APOO: variants seen among roughly 807,000 people sequenced by gnomAD.
APOO encodes the protein MICOS complex subunit MIC26.
APOO carries 11 observed loss-of-function variants against 23.1 expected under a neutral mutation model. The observed-to-expected ratio is 0.48, with a 90% CI of 0.30 to 0.79. The LOEUF (loss-of-function observed/expected upper bound fraction) is 0.79. Among genes scored for constraint, APOO ranks in the 30% least tolerant of loss-of-function variants. APOO has a pLI of 0.07. For synonymous variants in APOO, 59 were observed against 54.8 expected (o/e 1.08, Z -0.34); for missense variants, 160 against 142.7 (o/e 1.12, Z -0.62).
intron 1 of APOO, among the ~76,000 whole-genome samples, chrX:23,884,949 T>C (rs1926304210): frequency 9.0e-6 from 1 of 111,502 alleles, no homozygotes; most frequent in Non-Finnish European, 1.9e-5. Context: ...TCTATCTATG[T>C]ATCTTTTATT....
At chrX:23,900,347 C>A (rs971273037) in intron 1 of APOO, among the ~76,000 whole-genome samples, 2 of 111,449 alleles carry the variant, frequency 1.8e-5, no homozygotes, top group Non-Finnish European at 3.8e-5. Flanking sequence ...ACTATCCCCA[C>A]AGGATCATGA....
chrX:23,901,379 A>C (rs751625595), intron 1 of APOO, among the ~76,000 whole-genome samples: 6 of 111,437 alleles, frequency 5.4e-5, no homozygotes, highest in Middle Eastern at 4.6e-3. Flanking sequence ...GGGGTTCTAC[A>C]TCAACTGATT....
At chrX:23,841,158 C>T (rs1276507640) in intron 7 of APOO, among the ~76,000 whole-genome samples, 1 of 111,558 alleles carries the variant, frequency 9.0e-6, no homozygotes, top group Non-Finnish European at 1.9e-5. Context: ...GCAGTTTCTC[C>T]TGGTGCCCCT....
intron 1 of APOO, among the ~76,000 whole-genome samples, chrX:23,888,344 C>G (rs1286578122): frequency 9.0e-6 from 1 of 111,725 alleles, no homozygotes; most frequent in African/African-American, 3.3e-5. Context: ...CAAATCTGGT[C>G]AGGCAAGCAA....
intron 8 of APOO, among the ~76,000 whole-genome samples, chrX:23,834,733 T>A (rs924446489): frequency 4.6e-5 from 5 of 109,728 alleles, no homozygotes; most frequent in Non-Finnish European, 9.5e-5. Flanking sequence ...TTCATATTTT[T>A]TTTTTTTTTG....
chrX:23,861,730 C>A (rs1225553310), intron 5 of APOO, among the ~76,000 whole-genome samples: 1 of 107,804 alleles, frequency 9.3e-6, no homozygotes, highest in Admixed American at 1.0e-4. Context: ...TATATGGTCA[C>A]TTCCTGCCCA....
Position 23,847,117 on chromosome X carries a change from C to T in APOO, c.562-6740G>A, listed in dbSNP as rs759479375. On this transcript the variant is annotated intron_variant, in intron 7 of 8. Coordinates refer to ENST00000379226, the MANE Select transcript of APOO (RefSeq NM_024122.5). The stretch of plus-strand genomic sequence containing the variant: ...ATCAGGGCAATGTAAATGAAAACCA[C>T]GATGGGAAATTCTGGGAACATCTTC... 7.2e-5 allele frequency among the ~76,000 whole-genome samples: 8 copies of T among 111,035 alleles called. No individual in the cohort carries two copies. The East Asian group carries it at 2.0e-3, about 28-fold the overall frequency.
At chrX:23,870,103 C>T (rs970844551) in intron 4 of APOO, among the ~76,000 whole-genome samples, 1 of 111,605 alleles carries the variant, frequency 9.0e-6, no homozygotes, top group Admixed American at 9.6e-5. Context: ...CACTGTTGAT[C>T]GCTGTTGATG....
intron 5 of APOO, among the ~76,000 whole-genome samples, chrX:23,867,924 CTATGGTTCTCT>C (rs1449385024): frequency 8.9e-6 from 1 of 112,001 alleles, no homozygotes; most frequent in African/African-American, 3.2e-5. Context: ...AGAGTAGTCT[CTATGGTTCTCT>C]TTTACAGGGG....
At chrX:23,867,352 C>T (rs1301298369) in intron 5 of APOO, among the ~76,000 whole-genome samples, 2 of 110,341 alleles carry the variant, frequency 1.8e-5, no homozygotes, top group Non-Finnish European at 3.8e-5. Context: ...TGATTTCTCA[C>T]TCTATTAGTT....
At chrX:23,874,185 C>T (rs749515559) in intron 4 of APOO, among the ~76,000 whole-genome samples, 4 of 111,365 alleles carry the variant, frequency 3.6e-5, no homozygotes, top group East Asian at 2.8e-4. Context: ...AGAATCCTAA[C>T]GATCTTGAAG....
intron 2 of APOO, 86 bp downstream of exon 2, chrX:23,880,759 C>T: frequency 5.2e-6 from 2 of 382,830 alleles, no homozygotes; most frequent in Non-Finnish European, 8.5e-6. Context: ...ACAGTCACAT[C>T]TTCCTGATAT....
chrX:23,875,911 G>T (rs972393165), intron 3 of APOO, among the ~76,000 whole-genome samples: 1 of 110,097 alleles, frequency 9.1e-6, no homozygotes, highest in African/African-American at 3.3e-5. Flanking sequence ...TATCTCGTGA[G>T]GTCAGGAATT....
chrX:23,877,651 G>T (rs112401088), intron 3 of APOO, among the ~76,000 whole-genome samples: 3 of 110,403 alleles, frequency 2.7e-5, no homozygotes, highest in African/African-American at 9.9e-5. Flanking sequence ...GCTCGTGCCT[G>T]TAATCCCAGC....
At chrX:23,899,316 A>G (rs1263631008) in intron 1 of APOO, among the ~76,000 whole-genome samples, 1 of 112,644 alleles carries the variant, frequency 8.9e-6, no homozygotes, top group Non-Finnish European at 1.9e-5. Context: ...ATAGGCTTTC[A>G]GCATACTGAA....
chrX:23,884,643 G>A lies in APOO; in HGVS notation c.10-3691C>T, dbSNP rs1438688254. On this transcript the variant is annotated intron_variant, in intron 1 of 8. Coordinates refer to ENST00000379226, the MANE Select transcript of APOO (RefSeq NM_024122.5). ...AATGGTGGCTACCAGGGCAAGGGCT[G>A]GGGGGAGTTGGGGAGATATTGGTCA... is the stretch of plus-strand genomic sequence containing the variant. 9.0e-5 allele frequency among the ~76,000 whole-genome samples: 10 copies of A among 111,581 alleles called. No individual in the cohort carries two copies. The Admixed American group carries it at 9.6e-4, about 11-fold the overall frequency.
At chrX:23,856,459 C>A in intron 6 of APOO, 77 bp from the exon 7 acceptor site, 1 of 823,399 alleles carries the variant, frequency 1.2e-6, no homozygotes. Context: ...GAATATAAAT[C>A]ATTTTACTAT....
At chrX:23,840,199 T>C (rs757819763) in intron 8 of APOO, 114 bp downstream of exon 8, 18 of 421,647 alleles carry the variant, frequency 4.3e-5, no homozygotes, top group Non-Finnish European at 6.4e-5. Flanking sequence ...GAATAAAATA[T>C]TTTCACATCA....
In APOO at chrX:23,907,885, A is replaced by C; in HGVS notation, c.-183T>G. 1 of 479,609 alleles carries C rather than the reference A, an allele frequency of 2.1e-6. No homozygotes were observed. The highest frequency in any genetic ancestry group is 3.2e-6 in the Non-Finnish European group (1 of 314,947). The allele number at this position is 479,609 out of a possible 1,213,427, so 39.5% of individuals were successfully genotyped here. On this transcript the variant is annotated 5_prime_UTR_variant, in exon 1 of 9. Coordinates refer to ENST00000379226, the MANE Select transcript of APOO (RefSeq NM_024122.5). ...TTTAGTTCAATCACCCGGTTCTAGA[A>C]GCCGCGTCGCTGAGCCGCAGCGCGT...
Sources: allele counts gnomAD v4.1 joint callset (sites outside exome capture counted in the v4.1 genomes callset), GRCh38; gene constraint gnomAD v4.1.1; transcripts MANE v1.5; gene names NCBI Gene and HGNC (gene_info 2026-07-23, HGNC 2026-07-21).